The following SDCCAG8 variants were observed in gnomAD, a reference collection of about 807,000 sequenced individuals.
The protein encoded by SDCCAG8 is serologically defined colon cancer antigen 8.
A neutral mutation model predicts 101.8 loss-of-function variants in SDCCAG8; 74 were observed. The observed-to-expected ratio is 0.73, with a 90% CI of 0.60 to 0.88. The LOEUF (loss-of-function observed/expected upper bound fraction) is 0.88, where lower values mean the gene tolerates loss of function less well. Among genes scored for constraint, SDCCAG8 ranks in the 40% least tolerant of loss-of-function variants. The pLI is 0.00. For synonymous variants in SDCCAG8, 281 were observed against 292.9 expected (o/e 0.96, Z 0.41); for missense variants, 787 against 822.6 (o/e 0.96, Z 0.53).
At chr1:243,411,574 G>C (rs2080179428) in intron 13 of SDCCAG8, among the ~76,000 whole-genome samples, 1 of 152,272 alleles carries the variant, frequency 6.6e-6, no homozygotes, top group Non-Finnish European at 1.5e-5. Context: ...ACATGTCCTT[G>C]TGCCCTTTTG....
intron 9 of SDCCAG8, among the ~76,000 whole-genome samples, chr1:243,326,096 G>A (rs1261781865): frequency 1.3e-5 from 2 of 151,928 alleles, no homozygotes; most frequent in Non-Finnish European, 2.9e-5. Context: ...TATCTGTAAT[G>A]ATATAACCCT....
At chr1:243,366,488 A>G (rs2076997106) in intron 12 of SDCCAG8, among the ~76,000 whole-genome samples, 3 of 152,050 alleles carry the variant, frequency 2.0e-5, no homozygotes, top group African/African-American at 7.2e-5. Flanking sequence ...ATGTTTAGAC[A>G]TAAGTGAATA....
chr1:243,257,978 C>T (rs1398166236), intron 1 of SDCCAG8, among the ~76,000 whole-genome samples: 2 of 151,968 alleles, frequency 1.3e-5, no homozygotes, highest in Non-Finnish European at 2.9e-5. Context: ...CATTTTGACG[C>T]AGTAAAGGGG....
intron 16 of SDCCAG8, among the ~76,000 whole-genome samples, chr1:243,471,662 C>T (rs1661297752): frequency 1.3e-5 from 2 of 152,040 alleles, no homozygotes; most frequent in African/African-American, 4.8e-5. Context: ...TTCCCAGAAG[C>T]CTCAGGAGAT....
At chr1:243,358,370 A>G (rs1481160200) in intron 12 of SDCCAG8, among the ~76,000 whole-genome samples, 1 of 152,224 alleles carries the variant, frequency 6.6e-6, no homozygotes, top group Non-Finnish European at 1.5e-5. Flanking sequence ...GCTCAACATC[A>G]TTAGCTATCA....
chr1:243,336,392 G>A (rs999293667), intron 10 of SDCCAG8, among the ~76,000 whole-genome samples: 6 of 152,056 alleles, frequency 3.9e-5, no homozygotes, highest in Admixed American at 6.6e-5. Context: ...GTCTGTTCTC[G>A]CACTGCTATA....
At chr1:243,278,097 A>G (rs1439229409) in intron 4 of SDCCAG8, among the ~76,000 whole-genome samples, 2 of 152,202 alleles carry the variant, frequency 1.3e-5, no homozygotes, top group Admixed American at 6.5e-5. Context: ...GCATTTTGAT[A>G]CTATTGAGTA....
intron 16 of SDCCAG8, among the ~76,000 whole-genome samples, chr1:243,464,820 T>C (rs1659812819): frequency 6.6e-6 from 1 of 152,204 alleles, no homozygotes; most frequent in Non-Finnish European, 1.5e-5. Context: ...CCACTGGCAT[T>C]CAAGTCCTGG....
intron 13 of SDCCAG8, among the ~76,000 whole-genome samples, chr1:243,380,234 A>G (rs1172257049): frequency 1.3e-5 from 2 of 152,244 alleles, no homozygotes; most frequent in African/African-American, 4.8e-5. Context: ...GCTCATTTAA[A>G]CTATTGTCAT....
chr1:243,400,259 A>G (rs1450607747), intron 13 of SDCCAG8, among the ~76,000 whole-genome samples: 1 of 152,232 alleles, frequency 6.6e-6, no homozygotes, highest in African/African-American at 2.4e-5. Context: ...TATATGACTT[A>G]TGGAAGCTTT....
rs780858288 is a variant in SDCCAG8, at chr1:243,344,204, C to T, written c.1357-11C>T. 1 of 1,608,608 alleles carries T rather than the reference C, an allele frequency of 6.2e-7. No homozygotes were observed. Among genetic ancestry groups the T allele is most frequent in the Non-Finnish European group, 8.5e-7 (1 of 1,175,058 alleles). On this transcript the variant is annotated splice_polypyrimidine_tract_variant and intron_variant, in intron 11 of 17. Transcript: ENST00000366541. ...CAGCAGGTAATCATCCAGTTTTTTA[C>T]AATCTAACAGGTGTGTGGAGAAATG... is the stretch of plus-strand genomic sequence containing the variant.
chr1:243,489,028 A>C lies in SDCCAG8; in HGVS notation c.2000A>C (p.Asp667Ala). 6.2e-7 allele frequency: 1 copy of C among 1,613,458 alleles called. No homozygotes were observed. The highest frequency in any genetic ancestry group is 8.5e-7 in the Non-Finnish European group (1 of 1,180,038). ...TTTTTCTCCAGGCTAAGGCAGCTGG[A>C]TAAGCACAGCCAGGCCACAGCCCAG... is the stretch of plus-strand genomic sequence containing the variant. ...ETMKQRLRQL[D>A]KHSQATAQQL... The change falls in exon 17 of 18, where the codon GAT (aspartate) becomes GCT (alanine). Residue 667 changes from aspartate to alanine, a missense_variant. By Grantham distance (126) the Asp-to-Ala change is moderately radical (BLOSUM62 -2). Transcript: ENST00000366541.
At chr1:243,366,024 G>A (rs2076972120) in intron 12 of SDCCAG8, among the ~76,000 whole-genome samples, 1 of 151,998 alleles carries the variant, frequency 6.6e-6, no homozygotes. Flanking sequence ...TGGCATCCTT[G>A]TTGGTTTTTA....
At chr1:243,376,627 CT>C (rs1480240127) in intron 12 of SDCCAG8, among the ~76,000 whole-genome samples, 1 of 152,052 alleles carries the variant, frequency 6.6e-6, no homozygotes, top group East Asian at 1.9e-4. Flanking sequence ...TTCTGTCATT[CT>C]TTTGTCTTCT....
chr1:243,284,682 T>A (rs1239836603), intron 4 of SDCCAG8, among the ~76,000 whole-genome samples: 1 of 152,154 alleles, frequency 6.6e-6, no homozygotes, highest in Non-Finnish European at 1.5e-5. Flanking sequence ...TCCAGTCAGT[T>A]AGGCTCTGGT....
chr1:243,429,364 T>C (rs1427478331), intron 16 of SDCCAG8, among the ~76,000 whole-genome samples: 1 of 152,154 alleles, frequency 6.6e-6, no homozygotes, highest in Non-Finnish European at 1.5e-5. Context: ...ATAAGGCTTC[T>C]GGTCAACAGT....
chr1:243,375,035 GTC>G (rs937665393), intron 12 of SDCCAG8, among the ~76,000 whole-genome samples: 5 of 152,068 alleles, frequency 3.3e-5, no homozygotes, highest in African/African-American at 1.2e-4. Context: ...GATAATGCTT[GTC>G]TCAGCAGTGA....
At chr1:243,263,084 G>C (rs2149251708) in intron 1 of SDCCAG8, among the ~76,000 whole-genome samples, 1 of 152,294 alleles carries the variant, frequency 6.6e-6, no homozygotes, top group East Asian at 1.9e-4. Flanking sequence ...ATAGCTCACT[G>C]TCACGCTCAT....
chr1:243,380,735 A>C (rs2077895095), intron 13 of SDCCAG8, among the ~76,000 whole-genome samples: 1 of 151,866 alleles, frequency 6.6e-6, no homozygotes, highest in Non-Finnish European at 1.5e-5. Context: ...ATTTAAACGT[A>C]GTTTTACAGG....
Sources: allele counts gnomAD v4.1 joint callset (sites outside exome capture counted in the v4.1 genomes callset), GRCh38; gene constraint gnomAD v4.1.1; transcripts MANE v1.5; gene names NCBI Gene and HGNC (gene_info 2026-07-23, HGNC 2026-07-21).